BRIP1: variants seen among roughly 807,000 people sequenced by gnomAD.
BRIP1 encodes the protein Fanconi anemia group J protein.
In BRIP1, 88 loss-of-function variants were observed where a neutral mutation model predicts 119.7. The observed-to-expected ratio is 0.74, with a 90% CI of 0.62 to 0.88. The LOEUF (loss-of-function observed/expected upper bound fraction) is 0.88, where lower values mean the gene tolerates loss of function less well. Among genes scored for constraint, BRIP1 ranks in the 40% least tolerant of loss-of-function variants. The pLI is 0.00. For synonymous variants in BRIP1, 443 were observed against 496.5 expected (o/e 0.89, Z 1.43); for missense variants, 1,259 against 1,455.4 (o/e 0.87, Z 2.20).
chr17:61,699,068 T>C lies in BRIP1; in HGVS notation c.2493-5556A>G, dbSNP rs923163265. Among the ~76,000 whole-genome samples, 37 of 152,214 alleles carry C rather than the reference T, an allele frequency of 2.4e-4. No homozygotes were observed. The highest frequency in any genetic ancestry group is 8.9e-4 in the African/African-American group (37 of 41,468). ...TTTTTTTTGTCTTAAGGGTCTATTT[T>C]ATCTGATATTAGTATAACCAAACCA... is the stretch of plus-strand genomic sequence containing the variant. On this transcript the variant is annotated intron_variant, in intron 17 of 19. Transcript: ENST00000259008. The surrounding 1 kb of genome is among the most constrained non-coding windows in gnomAD (Gnocchi z 4.8).
chr17:61,801,181 A>C, intron 8 of BRIP1, 72 bp downstream of exon 8: 4 of 1,418,612 alleles, frequency 2.8e-6, no homozygotes, highest in Non-Finnish European at 4.0e-6. Flanking sequence ...TAAAACATCT[A>C]AAAGCTTTTA....
At position 61,805,532 on chromosome 17, in the gene BRIP1, GT is replaced by G. The variant is rs2078061805; in HGVS notation, c.918+2934del. Among the ~76,000 whole-genome samples, 1 of 152,056 alleles carries G rather than the reference GT, an allele frequency of 6.6e-6. No individual in the cohort carries two copies. The highest frequency in any genetic ancestry group is 6.6e-5 in the Admixed American group (1 of 15,260). On this transcript the variant is annotated intron_variant, in intron 7 of 19. Transcript: ENST00000259008. This position sits in a 1 kb window ranked among gnomAD's most constrained non-coding sequence, Gnocchi z 5.6. ...ATGGATGAGGAATCAGAAAATTTGGGTTCTGGTCCCTCCTTGCTAATTACTT... is the reference window on the plus strand; with the variant it reads ...ATGGATGAGGAATCAGAAAATTTGGGTCTGGTCCCTCCTTGCTAATTACTT...
rs1278121295 is a variant in BRIP1, at chr17:61,857,149, T to C, written c.288A>G (p.Thr96=). The change falls in exon 4 of 20, where the codon ACA becomes ACG. Residue 96 remains threonine, a synonymous_variant. Transcript: ENST00000259008. This position sits in a 1 kb window ranked among gnomAD's most constrained non-coding sequence, Gnocchi z 5.1. ...AAGTTCCTTGGTTCATGTCATTGTT[T>C]GTAAAATCCTTTGAATGGCATGCAC... is the stretch of plus-strand genomic sequence containing the variant. ...CCCACHSKDF[T]NNDMNQGTSR... The C allele has an allele frequency of 6.2e-7, 1 of 1,614,170 alleles. No individual in the cohort carries two copies.
rs1220925176 is a variant in BRIP1, at chr17:61,736,191, G to C, written c.2379+6822C>G. ...AAAAAAAAAAAGTTTAGCCAGGTGT[G>C]GTGGCACATGCCTACAGTCCTAGCT... On this transcript the variant is annotated intron_variant, in intron 16 of 19. Coordinates refer to ENST00000259008, the MANE Select transcript of BRIP1 (RefSeq NM_032043.3). This position sits in a 1 kb window ranked among gnomAD's most constrained non-coding sequence, Gnocchi z 4.4. Among the ~76,000 whole-genome samples the C allele has an allele frequency of 6.6e-6, 1 of 151,816 alleles. No individual in the cohort carries two copies. The highest frequency in any genetic ancestry group is 1.5e-5 in the Non-Finnish European group (1 of 67,958).
intron 10 of BRIP1, among the ~76,000 whole-genome samples, chr17:61,792,744 C>A (rs1199211730): frequency 6.6e-6 from 1 of 152,230 alleles, no homozygotes; most frequent in African/African-American, 2.4e-5. Flanking sequence ...CTGTATGATA[C>A]TGTAGTGGTG....
At position 61,846,974 on chromosome 17, in the gene BRIP1, A is replaced by T; in HGVS notation, c.627+127T>A. On this transcript the variant is annotated intron_variant, in intron 6 of 19. Coordinates refer to ENST00000259008, the MANE Select transcript of BRIP1 (RefSeq NM_032043.3). The surrounding 1 kb of genome is among the most constrained non-coding windows in gnomAD (Gnocchi z 4.3). ...ACATTAGTAACAGAGATGTGACAGCATTGAGGACTTCTGAGTGGGTTGCTA... is the reference window on the plus strand; with the variant it reads ...ACATTAGTAACAGAGATGTGACAGCTTTGAGGACTTCTGAGTGGGTTGCTA... 1 of 1,073,584 alleles carries T rather than the reference A, an allele frequency of 9.3e-7. No homozygotes were observed. The highest frequency in any genetic ancestry group is 1.4e-6 in the Non-Finnish European group (1 of 718,838). 66.5% of individuals were successfully genotyped at this position (1,073,584 alleles called of 1,614,324 possible).
rs187851489 is a variant in BRIP1, at chr17:61,846,340, C to A, written c.627+761G>T. Among the ~76,000 whole-genome samples, 44 of 152,006 alleles carry A rather than the reference C, an allele frequency of 2.9e-4. No homozygotes were observed. The highest frequency in any genetic ancestry group is 9.4e-4 in the African/African-American group (39 of 41,478). On this transcript the variant is annotated intron_variant, in intron 6 of 19. Coordinates refer to ENST00000259008, the MANE Select transcript of BRIP1 (RefSeq NM_032043.3). The surrounding 1 kb of genome is among the most constrained non-coding windows in gnomAD (Gnocchi z 4.3). ...ACAGTTTTACCCATTCTTGCTTTTG[C>A]GCCACCAGTACAAATGTCAAGACAA...
Position 61,831,567 on chromosome 17 carries a change from T to C in BRIP1, c.627+15534A>G, listed in dbSNP as rs1049248074. Among the ~76,000 whole-genome samples the C allele has an allele frequency of 1.3e-5, 2 of 152,260 alleles. No homozygotes were observed. The highest frequency in any genetic ancestry group is 1.3e-4 in the Admixed American group (2 of 15,286). On this transcript the variant is annotated intron_variant, in intron 6 of 19. Coordinates refer to ENST00000259008, the MANE Select transcript of BRIP1 (RefSeq NM_032043.3). This position sits in a 1 kb window ranked among gnomAD's most constrained non-coding sequence, Gnocchi z 4.1. The stretch of plus-strand genomic sequence containing the variant: ...CTATGTTGTAGTACATGTCAGAATT[T>C]CCTTCCTTTTAAAGGCTCAATAATA...
chr17:61,827,787 T>C lies in BRIP1; in HGVS notation c.628-19030A>G, dbSNP rs971038403. Among the ~76,000 whole-genome samples, 6 of 152,278 alleles carry C rather than the reference T, an allele frequency of 3.9e-5. No homozygotes were observed. The highest frequency in any genetic ancestry group is 4.1e-4 in the South Asian group (2 of 4,824). ...CCAAAGAAAATACACAAATGGCTAA[T>C]AAGCAGAAGAAAAGATGCTCAACAT... On this transcript the variant is annotated intron_variant, in intron 6 of 19. Transcript: ENST00000259008. This position sits in a 1 kb window ranked among gnomAD's most constrained non-coding sequence, Gnocchi z 5.8.
At chr17:61,702,672 G>A (rs1455779883) in intron 17 of BRIP1, among the ~76,000 whole-genome samples, 1 of 152,130 alleles carries the variant, frequency 6.6e-6, no homozygotes, top group Non-Finnish European at 1.5e-5. Context: ...ATTCCATTGT[G>A]TATATGTACC....
rs554318362 is a variant in BRIP1, at chr17:61,743,283, G to A, written c.2258-149C>T. On this transcript the variant is annotated intron_variant, in intron 15 of 19. Transcript: ENST00000259008. This position sits in a 1 kb window ranked among gnomAD's most constrained non-coding sequence, Gnocchi z 4.3. ...ACTATTATGAGATAAAGTTTTAAAA[G>A]TTCAATGTCTTTAAGTAAATAAGGG... 9.1e-7 allele frequency: 1 copy of A among 1,100,594 alleles called. No homozygotes were observed. Among genetic ancestry groups the A allele is most frequent in the African/African-American group, 1.6e-5 (1 of 63,182 alleles). The allele number at this position is 1,100,594 out of a possible 1,614,324, so 68.2% of individuals were successfully genotyped here. A position where few individuals can be genotyped will look rare whatever the true frequency, so the allele number is the denominator to read the frequency against.
chr17:61,811,918 C>A (rs1334987891), intron 6 of BRIP1, among the ~76,000 whole-genome samples: 1 of 152,020 alleles, frequency 6.6e-6, no homozygotes, highest in Non-Finnish European at 1.5e-5. Flanking sequence ...CGCCACTGCA[C>A]TCCAGCCTGG....
At position 61,832,886 on chromosome 17, in the gene BRIP1, A is replaced by G. The variant is rs1030474503; in HGVS notation, c.627+14215T>C. Among the ~76,000 whole-genome samples, 4 of 152,240 alleles carry G rather than the reference A, an allele frequency of 2.6e-5. No homozygotes were observed. Among genetic ancestry groups the G allele is most frequent in the Non-Finnish European group, 5.9e-5 (4 of 68,050 alleles). On this transcript the variant is annotated intron_variant, in intron 6 of 19. Transcript: ENST00000259008. This position sits in a 1 kb window ranked among gnomAD's most constrained non-coding sequence, Gnocchi z 5.5. Reference sequence around the variant, plus strand: ...GTATAAGAATGTCTTTGCTTATAAGACATAGACACTAAAGTATTTCAGGGT... The same window carrying G: ...GTATAAGAATGTCTTTGCTTATAAGGCATAGACACTAAAGTATTTCAGGGT...
chr17:61,711,013 G>A (rs111349073), intron 17 of BRIP1, among the ~76,000 whole-genome samples: 13 of 134,504 alleles, frequency 9.7e-5, no homozygotes, highest in African/African-American at 3.3e-4. Flanking sequence ...TGCACTGGGC[G>A]ACAGAGCGAG....
At chr17:61,723,158 C>T (rs2144494004) in intron 16 of BRIP1, among the ~76,000 whole-genome samples, 1 of 152,230 alleles carries the variant, frequency 6.6e-6, no homozygotes, top group African/African-American at 2.4e-5. Flanking sequence ...TTTCATTGTA[C>T]ACTTAGGGAT....
chr17:61,791,656 T>C (rs923834357), intron 10 of BRIP1, among the ~76,000 whole-genome samples: 2 of 152,018 alleles, frequency 1.3e-5, no homozygotes, highest in Non-Finnish European at 2.9e-5. Flanking sequence ...AACAGATGCA[T>C]TGAAGAGGGC....
At chr17:61,737,748 T>C (rs1421773807) in intron 16 of BRIP1, among the ~76,000 whole-genome samples, 1 of 152,220 alleles carries the variant, frequency 6.6e-6, no homozygotes, top group Non-Finnish European at 1.5e-5. Flanking sequence ...AAAAACTGCA[T>C]GCGTATACTC....
At chr17:61,859,495 C>T (rs1567876631) in intron 3 of BRIP1, among the ~76,000 whole-genome samples, 1 of 152,160 alleles carries the variant, frequency 6.6e-6, no homozygotes, top group Admixed American at 6.5e-5. Flanking sequence ...CCATGCCTGG[C>T]TAATTGATTG....
At chr17:61,688,959 CT>C (rs2061402498) in intron 18 of BRIP1, among the ~76,000 whole-genome samples, 1 of 150,882 alleles carries the variant, frequency 6.6e-6, no homozygotes, top group Admixed American at 6.6e-5. Flanking sequence ...CATCAGCAGA[CT>C]TGATCAAGCA....
Sources: gnomAD v4.1 joint callset for allele counts (sites outside exome capture counted in the v4.1 genomes callset) on GRCh38, gnomAD v4.1.1 for gene constraint, Gnocchi (gnomAD v3.1) non-coding constraint, MANE v1.5 for transcripts, NCBI Gene and HGNC (gene_info 2026-07-23, HGNC 2026-07-21) for gene names.